Variants in CNBD1 observed in about 807,000 individuals in gnomAD.
CNBD1 encodes the protein cyclic nucleotide binding domain containing 1.
In CNBD1, 71 loss-of-function variants were observed where a neutral mutation model predicts 54.4. The observed-to-expected ratio is 1.30, with a 90% CI of 1.08 to 1.59. The LOEUF (loss-of-function observed/expected upper bound fraction) is 1.59. Among genes scored for constraint, CNBD1 ranks in the 40% most tolerant of loss-of-function variants. The pLI is 0.00. For synonymous variants in CNBD1, 182 were observed against 170.7 expected (o/e 1.07, Z -0.51); for missense variants, 659 against 518.0 (o/e 1.27, Z -2.64).
chr8:87,347,254 G>C (rs941883182), intron 8 of CNBD1, among the ~76,000 whole-genome samples: 2 of 152,140 alleles, frequency 1.3e-5, no homozygotes, highest in Non-Finnish European at 2.9e-5. Flanking sequence ...ACTACTTGGG[G>C]AAGGGTTTCA....
In CNBD1 at chr8:87,303,618, A is replaced by G. The variant is rs188587644; in HGVS notation, c.1042+16947A>G. Among the ~76,000 whole-genome samples the G allele has an allele frequency of 2.4e-3, 356 of 150,388 alleles. 2 individuals are homozygous for G. Among genetic ancestry groups the G allele is most frequent in the African/African-American group, 7.5e-3 (301 of 39,930 alleles). On this transcript the variant is annotated intron_variant, in intron 8 of 10. Transcript: ENST00000518476. ...TAAAACACAAAAAGCAATGACAACA[A>G]AAGCCAAAATTGACAAATGGGATCT...
At chr8:86,988,143 G>GTT (rs34699647) in intron 4 of CNBD1, among the ~76,000 whole-genome samples, 4 of 134,342 alleles carry the variant, frequency 3.0e-5, no homozygotes, top group Non-Finnish European at 3.2e-5. Context: ...TGGTTGATAG[G>GTT]TTTTTTTTTT....
intron 5 of CNBD1, among the ~76,000 whole-genome samples, chr8:87,235,073 A>G (rs1414925956): frequency 6.6e-6 from 1 of 152,216 alleles, no homozygotes; most frequent in Non-Finnish European, 1.5e-5. Flanking sequence ...GCTAGCTCTC[A>G]GCTTTTCATC....
At chr8:87,210,683 G>T (rs1207597155) in intron 5 of CNBD1, among the ~76,000 whole-genome samples, 2 of 152,146 alleles carry the variant, frequency 1.3e-5, no homozygotes, top group Admixed American at 1.3e-4. Context: ...TTAAGCCTGT[G>T]GGCATGTAGA....
chr8:87,348,627 A>T (rs1433450657), intron 8 of CNBD1, among the ~76,000 whole-genome samples: 1 of 152,168 alleles, frequency 6.6e-6, no homozygotes, highest in East Asian at 1.9e-4. Flanking sequence ...TTCCTGTTCC[A>T]AACCTGTTTT....
intron 3 of CNBD1, among the ~76,000 whole-genome samples, chr8:86,936,572 C>G (rs1261850305): frequency 1.3e-5 from 2 of 151,894 alleles, no homozygotes; most frequent in Non-Finnish European, 2.9e-5. Context: ...AACCCCATCT[C>G]TACTAAAAAT....
intron 4 of CNBD1, among the ~76,000 whole-genome samples, chr8:87,033,711 C>A (rs1809844415): frequency 6.6e-6 from 1 of 151,998 alleles, no homozygotes; most frequent in African/African-American, 2.4e-5. Context: ...GTCTTAAAAC[C>A]TTTTTCAGGT....
At chr8:87,160,636 G>C (rs1210777642) in intron 4 of CNBD1, among the ~76,000 whole-genome samples, 2 of 151,990 alleles carry the variant, frequency 1.3e-5, no homozygotes, top group Non-Finnish European at 2.9e-5. Flanking sequence ...CTTTCTCTAA[G>C]GAAATACCTT....
chr8:86,878,080 C>CTGTGTG (rs145093111), intron 1 of CNBD1, among the ~76,000 whole-genome samples: 5,219 of 135,794 alleles, frequency 0.038, 312 homozygotes, highest in African/African-American at 0.12. Context: ...TTCATCAAAG[C>CTGTGTG]TGTGTGTGTG....
chr8:87,035,753 G>T (rs1275756362), intron 4 of CNBD1, among the ~76,000 whole-genome samples: 2 of 152,090 alleles, frequency 1.3e-5, no homozygotes, highest in Non-Finnish European at 2.9e-5. Flanking sequence ...ATGTCTGGAG[G>T]GTGGATAGTC....
At chr8:87,102,128 C>T (rs1222121162) in intron 4 of CNBD1, among the ~76,000 whole-genome samples, 4 of 152,046 alleles carry the variant, frequency 2.6e-5, no homozygotes, top group African/African-American at 7.2e-5. Flanking sequence ...ACTTCGTGAT[C>T]TGCCCGCCTC....
intron 2 of CNBD1, among the ~76,000 whole-genome samples, chr8:87,410,911 G>A (rs939971249): frequency 6.6e-6 from 1 of 152,052 alleles, no homozygotes; most frequent in African/African-American, 2.4e-5. Context: ...CTCACTGAAA[G>A]CTCGGATGAT....
chr8:87,053,382 G>A (rs1052624316), intron 4 of CNBD1, among the ~76,000 whole-genome samples: 2 of 152,220 alleles, frequency 1.3e-5, no homozygotes, highest in Non-Finnish European at 2.9e-5. Context: ...AGGGTCTGAT[G>A]ATAAAAGCAA....
intron 4 of CNBD1, among the ~76,000 whole-genome samples, chr8:87,176,179 G>A (rs966679032): frequency 1.3e-5 from 2 of 152,138 alleles, no homozygotes; most frequent in Admixed American, 6.5e-5. Flanking sequence ...TTAAAACCAG[G>A]TACTGTGAGT....
intron 4 of CNBD1, among the ~76,000 whole-genome samples, chr8:86,945,414 GT>G (rs981274162): frequency 2.6e-5 from 4 of 152,178 alleles, no homozygotes; most frequent in African/African-American, 9.6e-5. Context: ...GAACATCAGG[GT>G]TTTTGCCTTT....
chr8:87,181,276 A>C (rs1813305662), intron 4 of CNBD1, among the ~76,000 whole-genome samples: 1 of 152,212 alleles, frequency 6.6e-6, no homozygotes, highest in South Asian at 2.1e-4. Context: ...TATGCAACTT[A>C]ATACATTTGA....
Position 87,253,179 on chromosome 8 carries a change from T to A in CNBD1, c.771+16067T>A, listed in dbSNP as rs562776722. 5.5e-4 allele frequency among the ~76,000 whole-genome samples: 83 copies of A among 152,246 alleles called. 1 individual carries two copies. The highest frequency in any genetic ancestry group is 1.9e-3 in the African/African-American group (79 of 41,554). On this transcript the variant is annotated intron_variant, in intron 6 of 10. Coordinates refer to ENST00000518476, the MANE Select transcript of CNBD1 (RefSeq NM_173538.3). ...ATATTCTCTTTTTCCCTTTACTCAC[T>A]TATCAGGGCCACTCCCCACCCTTCT...
At chr8:87,354,360 C>T (rs1039751929) in intron 10 of CNBD1, among the ~76,000 whole-genome samples, 5 of 151,886 alleles carry the variant, frequency 3.3e-5, no homozygotes, top group African/African-American at 1.2e-4. Context: ...AGGCAGGGAC[C>T]TGGGCCTCAT....
intron 4 of CNBD1, among the ~76,000 whole-genome samples, chr8:87,152,350 C>G (rs1014998622): frequency 1.4e-4 from 21 of 150,842 alleles, no homozygotes; most frequent in Middle Eastern, 6.8e-3. Context: ...CAGGGGTGTC[C>G]AATCTTTTGG....
Sources: gnomAD v4.1 joint callset for allele counts (sites outside exome capture counted in the v4.1 genomes callset) on GRCh38, gnomAD v4.1.1 for gene constraint, MANE v1.5 for transcripts, NCBI Gene and HGNC (gene_info 2026-07-23, HGNC 2026-07-21) for gene names.